CDK6: variants seen among roughly 807,000 people sequenced by gnomAD.
The protein encoded by CDK6 is cyclin dependent kinase 6.
Under a neutral mutation model 37.1 loss-of-function variants are expected in CDK6, and 6 were observed. The ratio of observed to expected loss-of-function variants is 0.16; its 90% CI spans 0.09 to 0.32. The LOEUF is 0.32. Ranked by LOEUF, CDK6 falls within the 10% of genes least tolerant of loss-of-function variation. The pLI, the probability that CDK6 is intolerant of heterozygous loss-of-function variation, is 1.00. For missense variants in CDK6, 224 were observed against 418.9 expected (o/e 0.53, Z 4.06); for synonymous variants, 160 against 161.3 (o/e 0.99, Z 0.06).
rs1340909974 is a variant in CDK6 at position 92,835,583 on chromosome 7, T to C, written c.-368+895A>G. 1.3e-5 allele frequency among the ~76,000 whole-genome samples: 2 copies of C among 152,208 alleles called. No individual in the cohort carries two copies. Among genetic ancestry groups the C allele is most frequent in the Non-Finnish European group, 2.9e-5 (2 of 68,046 alleles). ...CAACATTTCCGCATTCCTCCGCGACTACAAAGGCTGCAGCCGCCTCCTTCT... is the reference window on the plus strand; with the variant it reads ...CAACATTTCCGCATTCCTCCGCGACCACAAAGGCTGCAGCCGCCTCCTTCT... On this transcript the variant is annotated intron_variant, in intron 1 of 7. Transcript: ENST00000424848. This position sits in a 1 kb window ranked among gnomAD's most constrained non-coding sequence, Gnocchi z 4.2.
intron 4 of CDK6, among the ~76,000 whole-genome samples, chr7:92,690,982 C>T (rs1797588064): frequency 6.6e-6 from 1 of 152,098 alleles, no homozygotes; most frequent in South Asian, 2.1e-4. Context: ...TTCAGATATG[C>T]TCACATTCAG....
At chr7:92,712,930 C>T (rs1798134478) in intron 4 of CDK6, among the ~76,000 whole-genome samples, 1 of 152,024 alleles carries the variant, frequency 6.6e-6, no homozygotes, top group Non-Finnish European at 1.5e-5. Context: ...CTGGAGTGAT[C>T]TTGGCTCACT....
chr7:92,613,852 T>C lies in CDK6; in HGVS notation c.*1288A>G, dbSNP rs529715636. 8.6e-6 allele frequency: 2 copies of C among 233,202 alleles called. No individual in the cohort carries two copies. The highest frequency in any genetic ancestry group is 2.2e-5 in the African/African-American group (1 of 45,468). 14.4% of individuals were successfully genotyped at this position (233,202 alleles called of 1,614,324 possible). The stretch of plus-strand genomic sequence containing the variant: ...TAGAAGGACTGCATTAGAGAACATA[T>C]GTGACCCTGTTAGGTTTGCAGAATC... On this transcript the variant is annotated 3_prime_UTR_variant, in exon 8 of 8. Coordinates refer to ENST00000424848, the MANE Select transcript of CDK6 (RefSeq NM_001145306.2).
intron 3 of CDK6, among the ~76,000 whole-genome samples, chr7:92,735,103 T>C (rs1200435731): frequency 4.6e-5 from 7 of 152,206 alleles, no homozygotes; most frequent in South Asian, 2.1e-4. Flanking sequence ...AATCCCCTAA[T>C]ACTACTTTAA....
chr7:92,726,414 C>T (rs1352722887), intron 3 of CDK6, among the ~76,000 whole-genome samples: 1 of 152,028 alleles, frequency 6.6e-6, no homozygotes, highest in African/African-American at 2.4e-5. Context: ...TGCTGATTAA[C>T]TGTTTGTTTT....
intron 4 of CDK6, among the ~76,000 whole-genome samples, chr7:92,719,359 T>C (rs1165428658): frequency 6.6e-6 from 1 of 152,192 alleles, no homozygotes. Context: ...ATCTTATCAG[T>C]TACAGATTTA....
At chr7:92,718,860 T>A (rs2116696333) in intron 4 of CDK6, among the ~76,000 whole-genome samples, 1 of 152,362 alleles carries the variant, frequency 6.6e-6, no homozygotes, top group South Asian at 2.1e-4. Context: ...TTCAGATCTA[T>A]CTCTCCATCT....
intron 4 of CDK6, among the ~76,000 whole-genome samples, chr7:92,692,055 G>C (rs1014943121): frequency 6.6e-5 from 10 of 150,794 alleles, no homozygotes; most frequent in Non-Finnish European, 1.2e-4. Context: ...ATCATCTGAA[G>C]TCAGGAGTTC....
intron 2 of CDK6, among the ~76,000 whole-genome samples, chr7:92,786,696 T>TAC (rs1800149957): frequency 6.7e-6 from 1 of 149,084 alleles, no homozygotes; most frequent in South Asian, 2.1e-4. Flanking sequence ...ATTGTATATA[T>TAC]ACACACACAT....
At chr7:92,654,195 C>CT (rs369450379) in intron 5 of CDK6, among the ~76,000 whole-genome samples, 11,474 of 143,094 alleles carry the variant, frequency 0.08, 1,224 homozygotes, top group African/African-American at 0.24. Flanking sequence ...ATTCTTGTGG[C>CT]TTTTTTTTTT....
intron 5 of CDK6, among the ~76,000 whole-genome samples, chr7:92,636,536 T>C (rs542684237): frequency 7.9e-5 from 12 of 152,074 alleles, no homozygotes; most frequent in Non-Finnish European, 1.8e-4. Context: ...TTTATAACTA[T>C]AAGAGAAAAA....
At chr7:92,665,036 T>G (rs1475830200) in intron 5 of CDK6, among the ~76,000 whole-genome samples, 1 of 152,108 alleles carries the variant, frequency 6.6e-6, no homozygotes, top group Non-Finnish European at 1.5e-5. Flanking sequence ...CCACCCACCT[T>G]GGGCTCCCAA....
intron 6 of CDK6, among the ~76,000 whole-genome samples, chr7:92,620,041 A>G (rs1347792559): frequency 2.6e-5 from 4 of 152,186 alleles, no homozygotes; most frequent in African/African-American, 9.7e-5. Flanking sequence ...GTCTATGTGT[A>G]TCAATATTTT....
chr7:92,687,046 AT>A (rs1797473299), intron 4 of CDK6, among the ~76,000 whole-genome samples: 1 of 152,154 alleles, frequency 6.6e-6, no homozygotes, highest in Non-Finnish European at 1.5e-5. Context: ...GGAAGTATAG[AT>A]TGTGAAGAAA....
intron 3 of CDK6, among the ~76,000 whole-genome samples, chr7:92,767,405 A>G (rs1484002651): frequency 6.6e-6 from 1 of 152,184 alleles, no homozygotes; most frequent in Non-Finnish European, 1.5e-5. Context: ...AGGGAAACAA[A>G]TGGAAATTAT....
At chr7:92,799,943 C>T (rs779503121) in intron 2 of CDK6, among the ~76,000 whole-genome samples, 1 of 152,170 alleles carries the variant, frequency 6.6e-6, no homozygotes, top group Non-Finnish European at 1.5e-5. Context: ...TCCCTCCAAA[C>T]CTGCTCCTTC....
intron 4 of CDK6, among the ~76,000 whole-genome samples, chr7:92,677,767 C>CA (rs1479689277): frequency 6.6e-6 from 1 of 152,188 alleles, no homozygotes; most frequent in Non-Finnish European, 1.5e-5. Flanking sequence ...TTCTGAACCA[C>CA]AGTCTTTCAG....
intron 2 of CDK6, among the ~76,000 whole-genome samples, chr7:92,814,243 GC>G (rs1199323725): frequency 2.0e-5 from 3 of 152,062 alleles, no homozygotes; most frequent in Non-Finnish European, 4.4e-5. Context: ...GGTGCAATCA[GC>G]AACAGAAGAA....
intron 3 of CDK6, among the ~76,000 whole-genome samples, chr7:92,740,287 C>G (rs1241604298): frequency 3.9e-5 from 6 of 152,136 alleles, no homozygotes; most frequent in African/African-American, 1.4e-4. Context: ...TCCTGGAATG[C>G]TTGCTCCATT....
Sources: allele counts gnomAD v4.1 joint callset (sites outside exome capture counted in the v4.1 genomes callset), GRCh38; gene constraint gnomAD v4.1.1; non-coding constraint Gnocchi (gnomAD v3.1); transcripts MANE v1.5; gene names NCBI Gene and HGNC (gene_info 2026-07-23, HGNC 2026-07-21).